Variants in GALNT13 observed in about 807,000 individuals in gnomAD.
GALNT13 encodes the protein UDP-GalNAc:polypeptide N-acetylgalactosaminyltransferase 13.
A neutral mutation model predicts 64.2 loss-of-function variants in GALNT13; 28 were observed. That is an observed-to-expected ratio of 0.44 (90% CI 0.32 to 0.60). GALNT13 has a LOEUF of 0.60. Among genes scored for constraint, GALNT13 ranks in the 20% least tolerant of loss-of-function variants. GALNT13 has a pLI of 0.05. For missense variants in GALNT13, 577 were observed against 669.8 expected (o/e 0.86, Z 1.53); for synonymous variants, 214 against 224.6 (o/e 0.95, Z 0.42).
chr2:153,555,416 G>C, the GALNT13 span, among the ~76,000 whole-genome samples: 1 of 146,784 alleles, frequency 6.8e-6, no homozygotes, highest in African/African-American at 2.5e-5. Flanking sequence ...GGATGGTCTC[G>C]ATCTCCTGAC....
the GALNT13 span, among the ~76,000 whole-genome samples, chr2:153,468,751 A>T: frequency 6.6e-6 from 1 of 152,122 alleles, no homozygotes; most frequent in Non-Finnish European, 1.5e-5. Context: ...AAAATCTTAA[A>T]TATTTACTTT....
At chr2:153,670,972 A>G in the GALNT13 span, among the ~76,000 whole-genome samples, 8 of 152,224 alleles carry the variant, frequency 5.3e-5, no homozygotes, top group African/African-American at 1.4e-4. Context: ...TATCAAATTA[A>G]TGAAATAAAG....
At chr2:153,854,151 T>G in the GALNT13 span, among the ~76,000 whole-genome samples, 4 of 151,922 alleles carry the variant, frequency 2.6e-5, no homozygotes, top group Admixed American at 2.0e-4. Flanking sequence ...AAACCCAAAG[T>G]AACCACATAC....
chr2:154,390,763 A>G (rs1036683080), intron 9 of GALNT13, among the ~76,000 whole-genome samples: 1 of 152,200 alleles, frequency 6.6e-6, no homozygotes, highest in Non-Finnish European at 1.5e-5. Flanking sequence ...GTTGGTACTC[A>G]TTATGCATCT....
chr2:154,188,696 T>C (rs937638231), intron 4 of GALNT13, among the ~76,000 whole-genome samples: 2 of 152,196 alleles, frequency 1.3e-5, no homozygotes, highest in African/African-American at 4.8e-5. Context: ...ACAAATGGAG[T>C]AGGATGTGAC....
At chr2:153,676,305 T>C in the GALNT13 span, among the ~76,000 whole-genome samples, 1 of 151,948 alleles carries the variant, frequency 6.6e-6, no homozygotes, top group African/African-American at 2.4e-5. Flanking sequence ...CCTCCCAAGA[T>C]TGAACCAGGA....
chr2:153,949,663 A>G (rs1364527464), intron 3 of GALNT13, among the ~76,000 whole-genome samples: 2 of 152,144 alleles, frequency 1.3e-5, no homozygotes, highest in Non-Finnish European at 2.9e-5. Flanking sequence ...TGTAAAGGAG[A>G]AAAATACAGA....
At chr2:154,408,888 T>G in intron 10 of GALNT13, 96 bp from the exon 11 acceptor site, 1 of 738,336 alleles carries the variant, frequency 1.4e-6, no homozygotes, top group Non-Finnish European at 2.4e-6. Flanking sequence ...GTTGTATTAT[T>G]CAGTTAACAA....
chr2:153,255,527 T>G, the GALNT13 span, among the ~76,000 whole-genome samples: 3,653 of 151,484 alleles, frequency 0.024, 157 homozygotes, highest in African/African-American at 0.083. Context: ...GTTAGCTGGT[T>G]ATTTTGCTCG....
chr2:154,194,580 C>T (rs1686775906), intron 4 of GALNT13, among the ~76,000 whole-genome samples: 1 of 152,032 alleles, frequency 6.6e-6, no homozygotes, highest in Non-Finnish European at 1.5e-5. Context: ...CTTTGTTTCC[C>T]CCAGTATTTC....
intron 9 of GALNT13, among the ~76,000 whole-genome samples, chr2:154,312,942 AG>A (rs1198946443): frequency 6.6e-6 from 1 of 152,128 alleles, no homozygotes; most frequent in Admixed American, 6.6e-5. Flanking sequence ...ATTATATTAC[AG>A]TAATTCTTGA....
chr2:153,575,085 A>T, the GALNT13 span, among the ~76,000 whole-genome samples: 2 of 152,166 alleles, frequency 1.3e-5, no homozygotes, highest in East Asian at 3.9e-4. Context: ...AGGCACCCCA[A>T]GCCCAGTAAT....
intron 3 of GALNT13, among the ~76,000 whole-genome samples, chr2:154,004,798 T>C (rs1381580813): frequency 6.6e-6 from 1 of 152,194 alleles, no homozygotes; most frequent in Non-Finnish European, 1.5e-5. Context: ...ATATATGTTA[T>C]TGATTGCAAA....
the GALNT13 span, among the ~76,000 whole-genome samples, chr2:153,813,596 C>T: frequency 6.6e-6 from 1 of 152,002 alleles, no homozygotes; most frequent in Non-Finnish European, 1.5e-5. Flanking sequence ...GAAAAGACCT[C>T]AGAGGCCATC....
chr2:153,303,005 A>G, the GALNT13 span, among the ~76,000 whole-genome samples: 2 of 152,066 alleles, frequency 1.3e-5, 1 homozygote, highest in South Asian at 4.1e-4. Context: ...TTCTTGCAGA[A>G]GATTGGTTTG....
chr2:153,356,275 C>T, the GALNT13 span, among the ~76,000 whole-genome samples: 1 of 152,098 alleles, frequency 6.6e-6, no homozygotes, highest in Non-Finnish European at 1.5e-5. Context: ...TATGTAGTAA[C>T]GCTGAGAGTA....
intron 2 of GALNT13, among the ~76,000 whole-genome samples, chr2:153,912,863 G>A (rs1574099370): frequency 2.0e-5 from 3 of 152,176 alleles, no homozygotes; most frequent in Admixed American, 6.5e-5. Flanking sequence ...TAGGGCAGTG[G>A]CAGTGGAATC....
At chr2:154,013,273 C>A (rs1245563584) in intron 3 of GALNT13, among the ~76,000 whole-genome samples, 2 of 150,084 alleles carry the variant, frequency 1.3e-5, no homozygotes, top group East Asian at 2.0e-4. Context: ...GTATAGGGTG[C>A]CTTTAGTCTT....
the GALNT13 span, among the ~76,000 whole-genome samples, chr2:153,494,404 G>T: frequency 2.6e-5 from 4 of 151,884 alleles, no homozygotes; most frequent in Admixed American, 6.6e-5. Context: ...GGCAACAAAA[G>T]GATAGATATA....
Sources: allele counts gnomAD v4.1 joint callset (sites outside exome capture counted in the v4.1 genomes callset), GRCh38; gene constraint gnomAD v4.1.1; transcripts MANE v1.5; gene names NCBI Gene and HGNC (gene_info 2026-07-23, HGNC 2026-07-21).